The following EPHA3 variants were observed in gnomAD, a reference collection of about 807,000 sequenced individuals.
The protein encoded by EPHA3 is EPH receptor A3.
In EPHA3, 42 loss-of-function variants were observed where a neutral mutation model predicts 107.1. That is an observed-to-expected ratio of 0.39 (90% CI 0.31 to 0.51). The LOEUF is 0.51. Ranked by LOEUF, EPHA3 falls within the 20% of genes least tolerant of loss-of-function variation. The pLI, the probability that EPHA3 is intolerant of heterozygous loss-of-function variation, is 0.78. For missense variants in EPHA3, 1,183 were observed against 1,211.2 expected (o/e 0.98, Z 0.35); for synonymous variants, 461 against 424.8 (o/e 1.09, Z -1.05).
At position 89,479,563 on chromosome 3, in the gene EPHA3, T is replaced by C. The variant is rs2107581874; in HGVS notation, c.*61T>C. ...GGCTGTGGAAGGCGTAGCATCATCC[T>C]GCAGACAGACAATAATTCTGGAGAT... On this transcript the variant is annotated 3_prime_UTR_variant, in exon 17 of 17. Coordinates refer to ENST00000336596, the MANE Select transcript of EPHA3 (RefSeq NM_005233.6). 7.8e-7 allele frequency: 1 copy of C among 1,287,272 alleles called. No homozygotes were observed. The highest frequency in any genetic ancestry group is 1.1e-6 in the Non-Finnish European group (1 of 888,892). The allele number at this position is 1,287,272 out of a possible 1,614,324, so 79.7% of individuals were successfully genotyped here. A position where few individuals can be genotyped will look rare whatever the true frequency, so the allele number is the denominator to read the frequency against.
At chr3:89,337,921 C>T (rs1310407436) in intron 3 of EPHA3, among the ~76,000 whole-genome samples, 1 of 152,200 alleles carries the variant, frequency 6.6e-6, no homozygotes, top group African/African-American at 2.4e-5. Flanking sequence ...GTACAGAAAA[C>T]ACATCATGCT....
intron 3 of EPHA3, among the ~76,000 whole-genome samples, chr3:89,211,740 CT>C (rs1704098042): frequency 7.2e-4 from 7 of 9,674 alleles, no homozygotes; most frequent in Non-Finnish European, 8.2e-4. Context: ...TCTTCTTCTT[CT>C]CCTTCTTCTT....
chr3:89,358,115 A>G (rs1708006014), intron 5 of EPHA3, among the ~76,000 whole-genome samples: 1 of 151,160 alleles, frequency 6.6e-6, no homozygotes, highest in Non-Finnish European at 1.5e-5. Context: ...AAGTATATGG[A>G]GTCTAACAGA....
intron 2 of EPHA3, among the ~76,000 whole-genome samples, chr3:89,187,551 T>TA (rs1463112956): frequency 2.6e-5 from 4 of 151,790 alleles, no homozygotes; most frequent in African/African-American, 9.7e-5. Context: ...GTTGCAAATA[T>TA]AAAAAATATG....
chr3:89,454,047 T>C (rs886108514), intron 15 of EPHA3, among the ~76,000 whole-genome samples: 2 of 152,100 alleles, frequency 1.3e-5, no homozygotes, highest in Non-Finnish European at 2.9e-5. Context: ...ATCTTATTCT[T>C]ATCACCAGGG....
At chr3:89,204,286 G>T (rs78586728) in intron 2 of EPHA3, among the ~76,000 whole-genome samples, 2,016 of 152,202 alleles carry the variant, frequency 0.013, 52 homozygotes, top group African/African-American at 0.047. Flanking sequence ...AGGGGCTAAA[G>T]GTGGTTGGGT....
At position 89,480,027 on chromosome 3, in the gene EPHA3, G is replaced by C. The variant is rs73139144; in HGVS notation, c.*525G>C. On this transcript the variant is annotated 3_prime_UTR_variant, in exon 17 of 17. Transcript: ENST00000336596. ...CATTATTCTCTTTTATCTGTTTAAA[G>C]CATATAGAGATGAAGTTTGTAGTTG... 1 of 232,872 alleles carries C rather than the reference G, an allele frequency of 4.3e-6. No homozygotes were observed. Among genetic ancestry groups the C allele is most frequent in the African/African-American group, 2.2e-5 (1 of 45,352 alleles). The allele number at this position is 232,872 out of a possible 1,614,324, so 14.4% of individuals were successfully genotyped here.
chr3:89,263,032 G>C (rs768313441), intron 3 of EPHA3, among the ~76,000 whole-genome samples: 3 of 144,848 alleles, frequency 2.1e-5, no homozygotes, highest in Non-Finnish European at 3.0e-5. Flanking sequence ...AGAAGGTGCA[G>C]GTTTGTTACA....
At chr3:89,211,746 C>T (rs866485296) in intron 3 of EPHA3, among the ~76,000 whole-genome samples, 5 of 18,506 alleles carry the variant, frequency 2.7e-4, no homozygotes, top group South Asian at 5.7e-3. Flanking sequence ...TCTTCTCCTT[C>T]TTCTTCTTCT....
intron 3 of EPHA3, among the ~76,000 whole-genome samples, chr3:89,249,303 C>T (rs1363241060): frequency 6.6e-6 from 1 of 152,172 alleles, no homozygotes; most frequent in Admixed American, 6.5e-5. Context: ...CATCTCACTT[C>T]CTCTTGTTTC....
chr3:89,315,693 G>A (rs909122275), intron 3 of EPHA3, among the ~76,000 whole-genome samples: 2 of 151,242 alleles, frequency 1.3e-5, no homozygotes, highest in African/African-American at 4.9e-5. Flanking sequence ...TTTTCTTCAG[G>A]CCTCATGCTG....
intron 15 of EPHA3, among the ~76,000 whole-genome samples, chr3:89,460,140 C>G (rs1710192985): frequency 6.6e-6 from 1 of 151,790 alleles, no homozygotes; most frequent in Admixed American, 6.6e-5. Context: ...TTATTATTGA[C>G]AATATTAATT....
intron 16 of EPHA3, among the ~76,000 whole-genome samples, chr3:89,476,464 A>G (rs1406225290): frequency 1.3e-5 from 2 of 148,384 alleles, no homozygotes; most frequent in South Asian, 4.2e-4. Flanking sequence ...CTCAGTAACT[A>G]TGCTTAAATT....
At chr3:89,221,455 C>T (rs6551407) in intron 3 of EPHA3, among the ~76,000 whole-genome samples, 122,266 of 152,104 alleles carry the variant, frequency 0.8, 49,178 homozygotes, top group Middle Eastern at 0.88. Flanking sequence ...AACATGCCTT[C>T]TAAATAGTAA....
intron 3 of EPHA3, among the ~76,000 whole-genome samples, chr3:89,316,735 C>T (rs1307154682): frequency 6.6e-6 from 1 of 150,808 alleles, no homozygotes; most frequent in Non-Finnish European, 1.5e-5. Context: ...GGAGAGTTAC[C>T]TTATGTTAAA....
At chr3:89,430,049 C>T (rs1236499262) in intron 12 of EPHA3, among the ~76,000 whole-genome samples, 1 of 152,096 alleles carries the variant, frequency 6.6e-6, no homozygotes, top group Non-Finnish European at 1.5e-5. Flanking sequence ...CAGGCATGAG[C>T]CACCGCACCT....
intron 13 of EPHA3, among the ~76,000 whole-genome samples, chr3:89,433,994 C>T (rs1484566447): frequency 6.6e-6 from 1 of 152,102 alleles, no homozygotes; most frequent in Non-Finnish European, 1.5e-5. Flanking sequence ...TACTCTTTTT[C>T]TAAGGCTATC....
chr3:89,191,256 A>G (rs1705709135), intron 2 of EPHA3, among the ~76,000 whole-genome samples: 1 of 151,922 alleles, frequency 6.6e-6, no homozygotes, highest in Admixed American at 6.6e-5. Flanking sequence ...CATGATTCCT[A>G]ATTGTACCCA....
At chr3:89,408,178 T>G in intron 9 of EPHA3, 47 bp downstream of exon 9, 1 of 1,577,422 alleles carries the variant, frequency 6.3e-7, no homozygotes, top group Non-Finnish European at 8.7e-7. Context: ...CGTTTTAGCT[T>G]TAGCAGTTAT....
Sources: allele counts gnomAD v4.1 joint callset (sites outside exome capture counted in the v4.1 genomes callset), GRCh38; gene constraint gnomAD v4.1.1; transcripts MANE v1.5; gene names NCBI Gene and HGNC (gene_info 2026-07-23, HGNC 2026-07-21).